The following MAPK10 variants were observed in gnomAD, a reference collection of about 807,000 sequenced individuals.
MAPK10 encodes JNK3 alpha protein kinase.
A neutral mutation model predicts 59.3 loss-of-function variants in MAPK10; 25 were observed. The observed-to-expected ratio is 0.42, with a 90% confidence interval of 0.31 to 0.59. MAPK10 has a LOEUF of 0.59. Ranked by LOEUF, MAPK10 falls within the 20% of genes least tolerant of loss-of-function variation. The probability of loss-of-function intolerance (pLI) is 0.15; values close to 1 mark genes in which losing one functional copy is unlikely to be tolerated. For missense variants in MAPK10, 351 were observed against 568.9 expected (o/e 0.62, Z 3.90); for synonymous variants, 190 against 200.5 (o/e 0.95, Z 0.44).
At chr4:86,458,107 G>C (rs1262918660), upstream of MAPK10, 1 of 152,172 alleles carries the variant, frequency 6.6e-6, no homozygotes, top group Non-Finnish European at 1.5e-5. Context: ...GGACCAGCCT[G>C]GCCAACATGG....
chr4:86,164,334 GT>G (rs1581646202), intron 3 of MAPK10: 1 of 152,110 alleles, frequency 6.6e-6, no homozygotes, highest in East Asian at 1.9e-4. Flanking sequence ...GGAGATGACA[GT>G]TTTACCAGAA....
intron 1 of MAPK10, among the ~76,000 whole-genome samples, chr4:86,462,259 A>G (rs1233675081): frequency 6.6e-6 from 1 of 152,254 alleles, no homozygotes; most frequent in Non-Finnish European, 1.5e-5. Flanking sequence ...GGGTACAAGT[A>G]CAAAGAGGAG....
intron 2 of MAPK10, among the ~76,000 whole-genome samples, chr4:86,348,882 CG>C (rs1729677996): frequency 6.6e-6 from 1 of 152,048 alleles, no homozygotes; most frequent in African/African-American, 2.4e-5. Context: ...TTCTCTTCTC[CG>C]GGCAAAACAC....
chr4:86,100,250 T>C (rs2055088516), intron 8 of MAPK10: 1 of 152,218 alleles, frequency 6.6e-6, no homozygotes, highest in Non-Finnish European at 1.5e-5. Flanking sequence ...GTTTTCAATA[T>C]GGTGCATTAC....
At chr4:86,320,525 T>C (rs2095868330) in intron 2 of MAPK10, among the ~76,000 whole-genome samples, 1 of 152,166 alleles carries the variant, frequency 6.6e-6, no homozygotes, top group African/African-American at 2.4e-5. Flanking sequence ...TCTTGTAAAT[T>C]TGTTTGAGTT....
At chr4:86,222,166 CTG>C (rs1563263111) in intron 2 of MAPK10, among the ~76,000 whole-genome samples, 1 of 152,190 alleles carries the variant, frequency 6.6e-6, no homozygotes. Context: ...GCCTGGGAAA[CTG>C]TGAGCCAATT....
At chr4:86,095,219 C>T (rs1189308498) in intron 9 of MAPK10, 4 of 151,504 alleles carry the variant, frequency 2.6e-5, no homozygotes, top group Non-Finnish European at 4.4e-5. Flanking sequence ...TAGATCATAT[C>T]AACCACCAAG....
rs147835299 is a variant in MAPK10 at position 86,316,514 on chromosome 4, G to A, written c.-7+38016C>T. ...CTTCAATGTATGTCTCTGACTCCCT[G>A]TCACATATGCATATACATGCACACA... On this transcript the variant is annotated intron_variant, in intron 2 of 13. Transcript: ENST00000641462. 1.5e-3 allele frequency among the ~76,000 whole-genome samples: 234 copies of A among 152,196 alleles called. 3 individuals are homozygous for A. Among genetic ancestry groups the A allele is most frequent in the Admixed American group, 0.011 (163 of 15,280 alleles).
rs534942105 is a variant in MAPK10, at chr4:86,475,375, G to A, written c.-263+118535C>T. On this transcript the variant is annotated intron_variant, in intron 1 of 4. Coordinates refer to the MAPK10 transcript ENST00000502302. ...GGAACATCACACCAATTTTAAATCC[G>A]GTAAGTGGCTTCTTTTTACTCTCTT... Among the ~76,000 whole-genome samples, 55 of 152,204 alleles carry A rather than the reference G, an allele frequency of 3.6e-4. 1 individual carries two copies. Among genetic ancestry groups the A allele is most frequent in the African/African-American group, 1.2e-3 (51 of 41,518 alleles).
intron 2 of MAPK10, among the ~76,000 whole-genome samples, chr4:86,202,545 T>G (rs2082871171): frequency 1.3e-5 from 2 of 151,954 alleles, no homozygotes; most frequent in Admixed American, 1.3e-4. Context: ...TTAAATTATC[T>G]CCTCATATTG....
intron 1 of MAPK10, among the ~76,000 whole-genome samples, chr4:86,445,398 A>G (rs1439114190): frequency 1.3e-5 from 2 of 152,144 alleles, no homozygotes; most frequent in African/African-American, 4.8e-5. Flanking sequence ...GGAGGGGAAC[A>G]ACACATACTG....
At chr4:86,075,930 A>G (rs1368438831) in intron 9 of MAPK10, among the ~76,000 whole-genome samples, 2 of 151,970 alleles carry the variant, frequency 1.3e-5, no homozygotes, top group Non-Finnish European at 2.9e-5. Context: ...ACCCAGTTCG[A>G]GTTTCCAGGC....
chr4:86,259,125 A>G (rs10025305), intron 2 of MAPK10, among the ~76,000 whole-genome samples: 65,251 of 151,614 alleles, frequency 0.43, 15,849 homozygotes, highest in African/African-American at 0.66. Flanking sequence ...CTCCTTTGCA[A>G]CTCCTGCTAC....
intron 1 of MAPK10, among the ~76,000 whole-genome samples, chr4:86,551,648 C>T (rs1759799271): frequency 6.6e-6 from 1 of 151,918 alleles, no homozygotes; most frequent in African/African-American, 2.4e-5. Flanking sequence ...CTCTATCACC[C>T]AGGCTGGAGT....
At chr4:86,476,388 G>T (rs1443752398) in intron 1 of MAPK10, among the ~76,000 whole-genome samples, 2 of 152,080 alleles carry the variant, frequency 1.3e-5, no homozygotes, top group Non-Finnish European at 2.9e-5. Flanking sequence ...TAAAAAGGTG[G>T]CTGGAGCTAA....
chr4:86,087,177 G>T (rs2052067597), intron 9 of MAPK10, among the ~76,000 whole-genome samples: 1 of 152,242 alleles, frequency 6.6e-6, no homozygotes, highest in East Asian at 1.9e-4. Flanking sequence ...TTCAGTTGTA[G>T]AAATCTGTTT....
intron 1 of MAPK10, among the ~76,000 whole-genome samples, chr4:86,528,546 G>C (rs949657939): frequency 2.6e-5 from 4 of 152,048 alleles, no homozygotes; most frequent in African/African-American, 9.7e-5. Flanking sequence ...GGGGTTCTTT[G>C]TTTGTTTATT....
chr4:86,075,510 C>T (rs938140636), intron 9 of MAPK10, among the ~76,000 whole-genome samples: 36 of 152,166 alleles, frequency 2.4e-4, no homozygotes, highest in African/African-American at 8.4e-4. Flanking sequence ...CTGTTTTTTC[C>T]CCATCTTTGT....
chr4:86,576,471 T>C (rs1761896456), intron 1 of MAPK10, among the ~76,000 whole-genome samples: 1 of 152,126 alleles, frequency 6.6e-6, no homozygotes, highest in Non-Finnish European at 1.5e-5. Flanking sequence ...GTGCCCAGCA[T>C]GATTTTAAAC....
Sources: gnomAD v4.1 joint callset for allele counts (sites outside exome capture counted in the v4.1 genomes callset) on GRCh38, gnomAD v4.1.1 for gene constraint, MANE v1.5 for transcripts, NCBI Gene and HGNC (gene_info 2026-07-23, HGNC 2026-07-21) for gene names.